The following RIMS2 variants were observed in gnomAD, a reference collection of about 807,000 sequenced individuals.
RIMS2 encodes regulating synaptic membrane exocytosis 2.
A neutral mutation model predicts 174.4 loss-of-function variants in RIMS2; 59 were observed. The ratio of observed to expected loss-of-function variants is 0.34; its 90% CI spans 0.27 to 0.42. The LOEUF (loss-of-function observed/expected upper bound fraction) is 0.42. Among genes scored for constraint, RIMS2 ranks in the 10% least tolerant of loss-of-function variants. The probability of loss-of-function intolerance (pLI) is 1.00; values close to 1 mark genes in which losing one functional copy is unlikely to be tolerated. For synonymous variants in RIMS2, 606 were observed against 572.5 expected (o/e 1.06, Z -0.84); for missense variants, 1,620 against 1,666.3 (o/e 0.97, Z 0.48).
At chr8:103,814,948 G>A (rs1246394779) in intron 3 of RIMS2, among the ~76,000 whole-genome samples, 1 of 152,106 alleles carries the variant, frequency 6.6e-6, no homozygotes, top group East Asian at 1.9e-4. Flanking sequence ...ATTTACTTGA[G>A]CATTGCTAAA....
intron 19 of RIMS2, among the ~76,000 whole-genome samples, chr8:104,175,048 CA>C (rs201925265): frequency 0.035 from 5,314 of 152,160 alleles, 205 homozygotes; most frequent in East Asian, 0.14. Context: ...TCTGTAGAGA[CA>C]GAGAGTTTTC....
chr8:103,532,044 G>A (rs140362228), intron 1 of RIMS2, among the ~76,000 whole-genome samples: 1 of 152,310 alleles, frequency 6.6e-6, no homozygotes, highest in East Asian at 1.9e-4. Flanking sequence ...TGTACTTCTA[G>A]TGTTAACTTC....
chr8:103,852,384 G>T (rs1304324821), intron 3 of RIMS2, among the ~76,000 whole-genome samples: 1 of 150,938 alleles, frequency 6.6e-6, no homozygotes, highest in Non-Finnish European at 1.5e-5. Context: ...TATTACAGTA[G>T]AATTAAATTT....
intron 4 of RIMS2, among the ~76,000 whole-genome samples, chr8:103,899,053 A>C (rs1238117131): frequency 2.0e-5 from 3 of 151,682 alleles, no homozygotes; most frequent in African/African-American, 7.3e-5. Context: ...ACATGAACTC[A>C]TCAATTTTTA....
intron 2 of RIMS2, among the ~76,000 whole-genome samples, chr8:103,731,554 C>A (rs1019996135): frequency 3.3e-5 from 5 of 152,132 alleles, no homozygotes; most frequent in African/African-American, 1.2e-4. Context: ...TCTATCTCCT[C>A]TTTCAGGACA....
At chr8:104,090,939 C>A (rs2097644957) in intron 19 of RIMS2, among the ~76,000 whole-genome samples, 1 of 151,780 alleles carries the variant, frequency 6.6e-6, no homozygotes, top group Non-Finnish European at 1.5e-5. Flanking sequence ...ATAAGCCAGT[C>A]TTTGGCTACT....
At chr8:103,763,249 GCAA>G (rs1020088996) in intron 2 of RIMS2, among the ~76,000 whole-genome samples, 1 of 152,060 alleles carries the variant, frequency 6.6e-6, no homozygotes, top group Admixed American at 6.6e-5. Flanking sequence ...ACCAGCCTGG[GCAA>G]CATAGTGAAA....
chr8:103,580,406 A>G (rs1186221162), intron 1 of RIMS2, among the ~76,000 whole-genome samples: 1 of 151,172 alleles, frequency 6.6e-6, no homozygotes, highest in Non-Finnish European at 1.5e-5. Flanking sequence ...AAAATAGACT[A>G]CAAATCAAAG....
At chr8:103,615,999 G>A (rs766055653) in intron 1 of RIMS2, among the ~76,000 whole-genome samples, 11 of 152,010 alleles carry the variant, frequency 7.2e-5, no homozygotes, top group Admixed American at 6.6e-5. Context: ...GAGGAGAAGG[G>A]ACATCTCCCA....
At chr8:103,724,128 T>G (rs936234908) in intron 2 of RIMS2, among the ~76,000 whole-genome samples, 2 of 138,278 alleles carry the variant, frequency 1.4e-5, no homozygotes, top group African/African-American at 2.7e-5. Flanking sequence ...ATGTAAATAA[T>G]GTGAAACTGT....
At chr8:103,622,342 G>T (rs148634719) in intron 1 of RIMS2, among the ~76,000 whole-genome samples, 1 of 151,834 alleles carries the variant, frequency 6.6e-6, no homozygotes, top group Non-Finnish European at 1.5e-5. Context: ...GAAATGTGAA[G>T]ATATTATCTG....
At chr8:103,704,680 A>G (rs1200378679) in intron 2 of RIMS2, among the ~76,000 whole-genome samples, 1 of 151,954 alleles carries the variant, frequency 6.6e-6, no homozygotes, top group African/African-American at 2.4e-5. Flanking sequence ...TTTCCATTTA[A>G]TCATGATCCA....
intron 1 of RIMS2, among the ~76,000 whole-genome samples, chr8:103,566,074 C>G (rs2092317145): frequency 1.3e-5 from 2 of 152,088 alleles, no homozygotes; most frequent in African/African-American, 4.8e-5. Flanking sequence ...ATAGGTATAC[C>G]TGGAACTGTC....
chr8:104,047,687 A>C (rs1486704636), intron 19 of RIMS2, among the ~76,000 whole-genome samples: 1 of 152,134 alleles, frequency 6.6e-6, no homozygotes, highest in African/African-American at 2.4e-5. Flanking sequence ...AATCATCTGC[A>C]TTTTGATGTG....
chr8:104,225,522 T>C (rs2099181935), intron 19 of RIMS2, among the ~76,000 whole-genome samples: 1 of 152,226 alleles, frequency 6.6e-6, no homozygotes, highest in South Asian at 2.1e-4. Context: ...TTGCTTCAGA[T>C]AAGGTATCAT....
chr8:103,712,924 G>A (rs2097324612), intron 2 of RIMS2, among the ~76,000 whole-genome samples: 2 of 152,146 alleles, frequency 1.3e-5, no homozygotes, highest in Admixed American at 6.5e-5. Context: ...AAATAAAAGT[G>A]TAGTAATAAT....
chr8:104,126,281 G>C (rs1339925739), intron 19 of RIMS2, among the ~76,000 whole-genome samples: 1 of 152,134 alleles, frequency 6.6e-6, no homozygotes, highest in Non-Finnish European at 1.5e-5. Flanking sequence ...TGGAAAAATA[G>C]TTTTTTTACT....
intron 1 of RIMS2, among the ~76,000 whole-genome samples, chr8:103,619,111 A>C (rs899077838): frequency 6.7e-5 from 10 of 148,396 alleles, no homozygotes; most frequent in African/African-American, 2.5e-4. Flanking sequence ...AAAAAAAAAA[A>C]CCAATATGGA....
chr8:104,058,084 A>G (rs1292484890), intron 19 of RIMS2, among the ~76,000 whole-genome samples: 1 of 150,068 alleles, frequency 6.7e-6, no homozygotes, highest in Non-Finnish European at 1.5e-5. Flanking sequence ...GTATATACCC[A>G]GTAATGGGAT....
Sources: allele counts gnomAD v4.1 joint callset (sites outside exome capture counted in the v4.1 genomes callset), GRCh38; gene constraint gnomAD v4.1.1; transcripts MANE v1.5; gene names NCBI Gene and HGNC (gene_info 2026-07-23, HGNC 2026-07-21).